POLR3B: variants seen among roughly 807,000 people sequenced by gnomAD.
POLR3B encodes the protein DNA-directed RNA polymerase III subunit RPC2.
POLR3B carries 96 observed loss-of-function variants against 147.4 expected under a neutral mutation model. The observed-to-expected ratio is 0.65, with a 90% CI of 0.55 to 0.77. The LOEUF is 0.77. POLR3B is among the 30% of genes least tolerant of loss of function. The probability of loss-of-function intolerance (pLI) is 0.00; values close to 1 mark genes in which losing one functional copy is unlikely to be tolerated. For synonymous variants in POLR3B, 461 were observed against 485.9 expected (o/e 0.95, Z 0.67); for missense variants, 1,036 against 1,413.5 (o/e 0.73, Z 4.28).
chr12:106,496,724 G>A (rs376600823), intron 24 of POLR3B, 28 bp from the exon 25 acceptor site: 2 of 1,610,076 alleles, frequency 1.2e-6, no homozygotes, highest in Non-Finnish European at 1.7e-6. Flanking sequence ...ACAGGGAGGT[G>A]CTCACTTAAT....
chr12:106,451,451 A>G (rs12309708), intron 19 of POLR3B, among the ~76,000 whole-genome samples: 59,687 of 151,512 alleles, frequency 0.39, 13,965 homozygotes, highest in African/African-American at 0.65. Flanking sequence ...GTGAAACCCC[A>G]TCTCTATTAA....
intron 12 of POLR3B, among the ~76,000 whole-genome samples, chr12:106,426,065 C>G (rs1271229007): frequency 6.6e-6 from 1 of 152,072 alleles, no homozygotes; most frequent in African/African-American, 2.4e-5. Context: ...TGTATGGTTT[C>G]CAGATTTTAG....
chr12:106,421,421 G>T (rs959267907), intron 12 of POLR3B, among the ~76,000 whole-genome samples: 1 of 152,072 alleles, frequency 6.6e-6, no homozygotes, highest in Non-Finnish European at 1.5e-5. Context: ...GATGAGCTCC[G>T]TCCCATGACT....
chr12:106,444,466 C>T lies in POLR3B; in HGVS notation c.1959C>T (p.Asp653=). 6.2e-7 allele frequency: 1 copy of T among 1,613,760 alleles called. No homozygotes were observed. Among genetic ancestry groups the T allele is most frequent in the Non-Finnish European group, 8.5e-7 (1 of 1,179,872 alleles). ...IALYEHTINK[D]TTHLEIEPFT... The stretch of plus-strand genomic sequence containing the variant: ...TGATTTTTACTTAACTTGTTAGAGA[C>T]ACCACCCACTTGGAGATTGAACCCT... The change falls in exon 19 of 28, where the codon GAC becomes GAT. Residue 653 remains aspartate, a synonymous_variant. Coordinates refer to ENST00000228347, the MANE Select transcript of POLR3B (RefSeq NM_018082.6).
At chr12:106,454,898 A>G (rs2037845166) in intron 20 of POLR3B, among the ~76,000 whole-genome samples, 187 bp downstream of exon 20, 1 of 152,150 alleles carries the variant, frequency 6.6e-6, no homozygotes, top group Non-Finnish European at 1.5e-5. Context: ...ATATTGAAAT[A>G]ATTTGTTAAA....
chr12:106,395,389 T>C (rs928587908), intron 10 of POLR3B, among the ~76,000 whole-genome samples: 4 of 151,982 alleles, frequency 2.6e-5, no homozygotes, highest in African/African-American at 9.7e-5. Context: ...TCTCATATAG[T>C]GGGAGTGAGA....
In POLR3B at chr12:106,461,002, T is replaced by A. The variant is rs138561048; in HGVS notation, c.2570+1634T>A. ...TTACCTTCCGCTTGCTCCCTAACCCTCGGAACTGGCCTCTTACCTACCTCC... is the reference window on the plus strand; with the variant it reads ...TTACCTTCCGCTTGCTCCCTAACCCACGGAACTGGCCTCTTACCTACCTCC... On this transcript the variant is annotated intron_variant, in intron 22 of 27. Transcript: ENST00000228347. Among the ~76,000 whole-genome samples, 3 of 152,146 alleles carry A rather than the reference T, an allele frequency of 2.0e-5. No individual in the cohort carries two copies. The East Asian group carries it at 5.8e-4, about 30-fold the overall frequency.
chr12:106,390,825 G>A (rs763665971), intron 9 of POLR3B, among the ~76,000 whole-genome samples: 1 of 152,100 alleles, frequency 6.6e-6, no homozygotes, highest in Non-Finnish European at 1.5e-5. Context: ...TATTCATTGG[G>A]AATTTAAGAC....
At chr12:106,399,468 T>C (rs2037030408) in intron 10 of POLR3B, among the ~76,000 whole-genome samples, 1 of 152,100 alleles carries the variant, frequency 6.6e-6, no homozygotes. Context: ...ATTCAGGAAA[T>C]ACAGAGAATG....
At chr12:106,443,649 C>T (rs2037683073) in intron 18 of POLR3B, among the ~76,000 whole-genome samples, 1 of 150,902 alleles carries the variant, frequency 6.6e-6, no homozygotes, top group Non-Finnish European at 1.5e-5. Context: ...TCCAGAGTAG[C>T]TGGGATTATA....
rs188221567 is a variant in POLR3B at position 106,479,604 on chromosome 12, C to T, written c.2713+15984C>T. Among the ~76,000 whole-genome samples the T allele has an allele frequency of 4.4e-3, 668 of 152,014 alleles. 3 individuals carry two copies. Among genetic ancestry groups the T allele is most frequent in the African/African-American group, 0.015 (643 of 41,492 alleles). ...TTCACTGTGTTAGCCAGGATGGTCT[C>T]GATCTCCTGACCTCGTGATCCACCT... is the stretch of plus-strand genomic sequence containing the variant. On this transcript the variant is annotated intron_variant, in intron 23 of 27. Coordinates refer to ENST00000228347, the MANE Select transcript of POLR3B (RefSeq NM_018082.6).
intron 18 of POLR3B, among the ~76,000 whole-genome samples, chr12:106,441,191 G>A (rs1425442553): frequency 6.6e-6 from 1 of 151,930 alleles, no homozygotes; most frequent in Non-Finnish European, 1.5e-5. Flanking sequence ...AACTTAACCA[G>A]TATACTCTGG....
At chr12:106,390,932 C>T (rs1162397138) in intron 9 of POLR3B, among the ~76,000 whole-genome samples, 1 of 152,120 alleles carries the variant, frequency 6.6e-6, no homozygotes, top group Non-Finnish European at 1.5e-5. Flanking sequence ...CCCAGTTACT[C>T]AGGAGGCTGA....
intron 11 of POLR3B, chr12:106,410,112 G>A (rs2037205711): frequency 6.6e-6 from 1 of 152,280 alleles, no homozygotes. Flanking sequence ...ATCACTGCAT[G>A]ACAAACAATT....
chr12:106,508,155 C>G (rs1425966781), intron 27 of POLR3B, among the ~76,000 whole-genome samples: 4 of 152,164 alleles, frequency 2.6e-5, no homozygotes, highest in Non-Finnish European at 5.9e-5. Flanking sequence ...TCCACAACAG[C>G]AGGTCTAATG....
chr12:106,476,695 C>T (rs1417158928), intron 23 of POLR3B, among the ~76,000 whole-genome samples: 7 of 149,982 alleles, frequency 4.7e-5, no homozygotes, highest in Non-Finnish European at 8.9e-5. Context: ...ACGTAGTTCT[C>T]GAGCCTTGGT....
chr12:106,457,358 A>G, intron 21 of POLR3B, 62 bp downstream of exon 21: 2 of 1,398,624 alleles, frequency 1.4e-6, no homozygotes, highest in Admixed American at 1.7e-5. Context: ...ATTCAATAAT[A>G]TTTCTGAATA....
chr12:106,459,802 C>T (rs2037911798), intron 22 of POLR3B, among the ~76,000 whole-genome samples: 1 of 152,130 alleles, frequency 6.6e-6, no homozygotes, highest in African/African-American at 2.4e-5. Context: ...CTCTAGTAGA[C>T]GTTGTTTTGT....
rs867110286 is a variant in POLR3B, at chr12:106,433,745, C to T, written c.1654C>T (p.His552Tyr). ...TAACATCTTAGGTGTCATTCGAGACCACAAAAAGCTAGTGAATACATTTCG... is the reference window on the plus strand; with the variant it reads ...TAACATCTTAGGTGTCATTCGAGACTACAAAAAGCTAGTGAATACATTTCG... ...NGNILGVIRD[H>Y]KKLVNTFRLM... is the part of the protein sequence containing the mutation. The change falls in exon 16 of 28, where the codon CAC becomes TAC. Residue 552 changes from histidine to tyrosine, a missense_variant. Around this residue, in one of 12 missense-constraint regions of POLR3B, gnomAD observed 177 missense variants for 232.7 expected, o/e 0.76. Coordinates refer to ENST00000228347, the MANE Select transcript of POLR3B (RefSeq NM_018082.6). 6.2e-7 allele frequency: 1 copy of T among 1,613,322 alleles called. No homozygotes were observed. The highest frequency in any genetic ancestry group is 1.1e-5 in the South Asian group (1 of 91,040).
Sources: gnomAD v4.1 joint callset for allele counts (sites outside exome capture counted in the v4.1 genomes callset) on GRCh38, gnomAD v4.1.1 for gene constraint, gnomAD v4.1.1 regional missense constraint, MANE v1.5 for transcripts, NCBI Gene and HGNC (gene_info 2026-07-23, HGNC 2026-07-21) for gene names.